DYNC1I1: variants seen among roughly 807,000 people sequenced by gnomAD.
DYNC1I1 encodes cytoplasmic dynein 1 intermediate chain 1.
Under a neutral mutation model 86.6 loss-of-function variants are expected in DYNC1I1, and 43 were observed. The ratio of observed to expected loss-of-function variants is 0.50; its 90% confidence interval spans 0.39 to 0.64. The LOEUF is 0.64. DYNC1I1 is among the 30% of genes least tolerant of loss of function. The pLI is 0.00. For synonymous variants in DYNC1I1, 262 were observed against 283.7 expected, an observed-to-expected ratio of 0.92 and a Z score of 0.77; for missense variants, 604 against 788.8, an observed-to-expected ratio of 0.77 and a Z score of 2.81.
chr7:96,080,673 T>G (rs1790487374), intron 16 of DYNC1I1, among the ~76,000 whole-genome samples, 185 bp downstream of exon 16: 1 of 152,186 alleles, frequency 6.6e-6, no homozygotes, highest in South Asian at 2.1e-4. Context: ...TCTGTCTCCA[T>G]GCACAGAACA....
chr7:95,943,446 GC>G (rs1792297778), intron 6 of DYNC1I1, among the ~76,000 whole-genome samples: 1 of 150,326 alleles, frequency 6.7e-6, no homozygotes, highest in South Asian at 2.1e-4. Context: ...TGGCCATACT[GC>G]CCAAGGTAAT....
intron 12 of DYNC1I1, among the ~76,000 whole-genome samples, chr7:96,034,165 GGA>G (rs1444796423): frequency 6.6e-6 from 1 of 151,998 alleles, no homozygotes; most frequent in African/African-American, 2.4e-5. Flanking sequence ...GGGAGAAAAA[GGA>G]GAGAGTGCTA....
chr7:96,083,297 A>G (rs1303989979), intron 16 of DYNC1I1, among the ~76,000 whole-genome samples: 2 of 152,150 alleles, frequency 1.3e-5, no homozygotes, highest in African/African-American at 4.8e-5. Context: ...AAGTATTTTT[A>G]TAAATTATAT....
At chr7:95,937,361 G>T (rs950439908) in intron 6 of DYNC1I1, among the ~76,000 whole-genome samples, 5 of 151,954 alleles carry the variant, frequency 3.3e-5, no homozygotes, top group Non-Finnish European at 7.4e-5. Context: ...GAGGTGATGG[G>T]TATGTTAATT....
At chr7:96,100,678 G>GTGTGTGTGTGTGTGTGTGTA (rs1427707672), downstream of DYNC1I1, among the ~76,000 whole-genome samples, 25 of 151,726 alleles carry the variant, frequency 1.6e-4, no homozygotes, top group African/African-American at 6.1e-4. Flanking sequence ...GTGTGTGTGT[G>GTGTGTGTGTGTGTGTGTGTA]TGTGGTAAGG....
chr7:96,071,595 T>C (rs1008185155), intron 14 of DYNC1I1, among the ~76,000 whole-genome samples: 1 of 152,212 alleles, frequency 6.6e-6, no homozygotes, highest in Non-Finnish European at 1.5e-5. Context: ...ATCATTTTTT[T>C]CCACTCTCCA....
chr7:95,797,282 A>T (rs1345669428), intron 1 of DYNC1I1, among the ~76,000 whole-genome samples: 1 of 152,214 alleles, frequency 6.6e-6, no homozygotes, highest in Non-Finnish European at 1.5e-5. Flanking sequence ...TTCAGACTTC[A>T]GTATTTGGTA....
At chr7:95,827,991 T>G in intron 4 of DYNC1I1, 66 bp from the exon 5 acceptor site, 1 of 1,567,374 alleles carries the variant, frequency 6.4e-7, no homozygotes, top group Non-Finnish European at 8.8e-7. Context: ...CATAGTTTGG[T>G]TTGGTTTGTT....
intron 16 of DYNC1I1, among the ~76,000 whole-genome samples, chr7:96,081,706 A>G (rs990693863): frequency 2.0e-5 from 3 of 152,156 alleles, no homozygotes; most frequent in African/African-American, 4.8e-5. Context: ...AGGGTTCTTT[A>G]TGGTTTCATC....
At chr7:96,025,903 C>T (rs1241776853) in intron 10 of DYNC1I1, among the ~76,000 whole-genome samples, 4 of 151,990 alleles carry the variant, frequency 2.6e-5, no homozygotes, top group African/African-American at 9.7e-5. Context: ...TTGAATTCTG[C>T]ATTTTAAAAA....
At chr7:95,960,015 C>T (rs994072562) in intron 6 of DYNC1I1, among the ~76,000 whole-genome samples, 7 of 152,176 alleles carry the variant, frequency 4.6e-5, no homozygotes, top group African/African-American at 1.7e-4. Context: ...GGATAAAAAA[C>T]TAGGCAAAGG....
At chr7:96,036,479 T>A (rs552020958) in intron 13 of DYNC1I1, among the ~76,000 whole-genome samples, 8 of 152,304 alleles carry the variant, frequency 5.3e-5, no homozygotes, top group African/African-American at 1.9e-4. Context: ...CTATAGGCTG[T>A]CAAGTTGACA....
rs35181190 is a variant in DYNC1I1 at position 95,947,980 on chromosome 7, C to CTTTTTTT, written c.491-29518_491-29512dup. On this transcript the variant is annotated intron_variant, in intron 6 of 16. Coordinates refer to ENST00000447467, the MANE Select transcript of DYNC1I1 (RefSeq NM_001135556.2). ...TCAAAAACCAGGTCTTTGTATGTGG[C>CTTTTTTT]TTTTTTTTTTTTTTTTTTTTGGTAG... Among the ~76,000 whole-genome samples the CTTTTTTT allele has an allele frequency of 3.7e-5, 4 of 106,830 alleles. 1 individual carries two copies. The highest frequency in any genetic ancestry group is 1.5e-4 in the African/African-American group (4 of 27,206). 70.1% of individuals were successfully genotyped at this position (106,830 alleles called of 152,430 possible). A position where few individuals can be genotyped will look rare whatever the true frequency, so the allele number is the denominator to read the frequency against.
intron 16 of DYNC1I1, among the ~76,000 whole-genome samples, chr7:96,091,473 C>G (rs530199170): frequency 4.3e-4 from 66 of 152,290 alleles, no homozygotes; most frequent in African/African-American, 1.4e-3. Context: ...TAGAGTCCTA[C>G]TCACTTAATG....
At chr7:96,023,151 C>T (rs183882095) in intron 10 of DYNC1I1, among the ~76,000 whole-genome samples, 148 of 152,244 alleles carry the variant, frequency 9.7e-4, no homozygotes, top group African/African-American at 2.8e-3. Flanking sequence ...GATCTGTCTG[C>T]CTCAAAGCCC....
At chr7:96,106,598 G>A (rs80083047) in intron 16 of DYNC1I1, among the ~76,000 whole-genome samples, 31,661 of 151,832 alleles carry the variant, frequency 0.21, 3,625 homozygotes, top group African/African-American at 0.29. Context: ...ATATTCCACA[G>A]ATTTTGCAAT....
At chr7:95,894,588 G>T (rs1161822291) in intron 6 of DYNC1I1, among the ~76,000 whole-genome samples, 3 of 152,116 alleles carry the variant, frequency 2.0e-5, no homozygotes, top group South Asian at 2.1e-4. Flanking sequence ...TAATAGGTTG[G>T]TGCAAAAGTA....
chr7:95,921,316 T>G (rs935531588), intron 6 of DYNC1I1, among the ~76,000 whole-genome samples: 2 of 152,198 alleles, frequency 1.3e-5, no homozygotes, highest in Non-Finnish European at 2.9e-5. Flanking sequence ...TATGTTATTA[T>G]GACTATGAAA....
rs538867132 is a variant in DYNC1I1 at position 96,052,229 on chromosome 7, G to A, written c.1509+12808G>A. On this transcript the variant is annotated intron_variant, in intron 14 of 16. Coordinates refer to ENST00000447467, the MANE Select transcript of DYNC1I1 (RefSeq NM_001135556.2). ...GTAGTTTTGAGCAGTAAAATTCATA[G>A]CCATAATTTAGAAATATAATAATTA... Among the ~76,000 whole-genome samples, 9 of 152,226 alleles carry A rather than the reference G, an allele frequency of 5.9e-5. No individual in the cohort carries two copies. The South Asian group carries it at 1.9e-3, about 32-fold the overall frequency.
Sources: gnomAD v4.1 joint callset for allele counts (sites outside exome capture counted in the v4.1 genomes callset) on GRCh38, gnomAD v4.1.1 for gene constraint, MANE v1.5 for transcripts, NCBI Gene and HGNC (gene_info 2026-07-23, HGNC 2026-07-21) for gene names.